The following SCHIP1 variants were observed in gnomAD, a reference collection of about 807,000 sequenced individuals.
SCHIP1 encodes the protein schwannomin interacting protein 1, also known as schwannomin-interacting protein 1.
Under a neutral mutation model 29.7 loss-of-function variants are expected in SCHIP1, and 8 were observed. The ratio of observed to expected loss-of-function variants is 0.27; its 90% CI spans 0.16 to 0.49. The LOEUF is 0.49. SCHIP1 is among the 20% of genes least tolerant of loss of function. The pLI, the probability that SCHIP1 is intolerant of heterozygous loss-of-function variation, is 0.99. For synonymous variants in SCHIP1, 76 were observed against 94.9 expected, an observed-to-expected ratio of 0.80 and a Z score of 1.16; for missense variants, 193 against 294.6, an observed-to-expected ratio of 0.66 and a Z score of 2.52.
At chr3:159,359,264 A>G in the SCHIP1 span, among the ~76,000 whole-genome samples, 2 of 152,142 alleles carry the variant, frequency 1.3e-5, no homozygotes, top group African/African-American at 4.8e-5. Flanking sequence ...AAAGAAAAAT[A>G]CAATTATATG....
At chr3:159,750,602 T>C in the SCHIP1 span, among the ~76,000 whole-genome samples, 1 of 151,850 alleles carries the variant, frequency 6.6e-6, no homozygotes, top group African/African-American at 2.4e-5. Context: ...CTGATGAAAA[T>C]AGAGGAATAA....
the SCHIP1 span, among the ~76,000 whole-genome samples, chr3:159,431,034 A>C: frequency 6.6e-6 from 1 of 152,164 alleles, no homozygotes; most frequent in Non-Finnish European, 1.5e-5. Context: ...CTTCAATACC[A>C]GTTTGAGGTA....
intron 1 of SCHIP1, among the ~76,000 whole-genome samples, chr3:159,851,477 T>C (rs2109103907): frequency 6.6e-6 from 1 of 152,240 alleles, no homozygotes; most frequent in East Asian, 1.9e-4. Context: ...CTCCAAAAGA[T>C]TATTGAGAGG....
chr3:159,464,585 A>G, the SCHIP1 span, among the ~76,000 whole-genome samples: 9 of 152,150 alleles, frequency 5.9e-5, no homozygotes, highest in African/African-American at 1.9e-4. Flanking sequence ...TTCATGGTAA[A>G]GAGTTCATTA....
chr3:159,642,968 T>G, the SCHIP1 span, among the ~76,000 whole-genome samples: 1 of 151,778 alleles, frequency 6.6e-6, no homozygotes, highest in African/African-American at 2.4e-5. Flanking sequence ...CCTGCTTTAG[T>G]GGGAGGAGGG....
Position 159,866,384 on chromosome 3 carries a change from T to C in SCHIP1, c.149+103T>C, listed in dbSNP as rs1326520944. The C allele has an allele frequency of 1.3e-5, 15 of 1,131,980 alleles. No individual in the cohort carries two copies. In the South Asian group the frequency reaches 1.6e-4, roughly 12 times the overall value. 70.1% of individuals were successfully genotyped at this position (1,131,980 alleles called of 1,614,324 possible). A position where few individuals can be genotyped will look rare whatever the true frequency, so the allele number is the denominator to read the frequency against. On this transcript the variant is annotated intron_variant, in intron 2 of 6. Transcript: ENST00000445224. ...CTTTAAATCTTCTGTAGTTTTTTTT[T>C]CCCCCTCGCATAATACTGCCATCTT...
At chr3:159,331,673 C>T in the SCHIP1 span, among the ~76,000 whole-genome samples, 1 of 152,278 alleles carries the variant, frequency 6.6e-6, no homozygotes, top group South Asian at 2.1e-4. Context: ...AAGATCCTTA[C>T]TCTGTTCACT....
the SCHIP1 span, among the ~76,000 whole-genome samples, chr3:159,456,697 G>A: frequency 3.9e-5 from 6 of 152,164 alleles, no homozygotes; most frequent in African/African-American, 1.4e-4. Context: ...CACGGTAACA[G>A]GCTTCCACTT....
the SCHIP1 span, among the ~76,000 whole-genome samples, chr3:159,444,146 G>A: frequency 1.3e-5 from 2 of 152,136 alleles, no homozygotes; most frequent in African/African-American, 4.8e-5. Context: ...GTACATCACT[G>A]AGCAGCACAG....
the SCHIP1 span, among the ~76,000 whole-genome samples, chr3:159,462,684 A>C: frequency 6.6e-6 from 1 of 152,076 alleles, no homozygotes. Flanking sequence ...AAACTCCATG[A>C]TCTGAACTAA....
At chr3:159,528,617 A>G in the SCHIP1 span, among the ~76,000 whole-genome samples, 1 of 151,860 alleles carries the variant, frequency 6.6e-6, no homozygotes, top group Non-Finnish European at 1.5e-5. Flanking sequence ...CTCCCCCTCA[A>G]AGTTTCCTCG....
chr3:159,453,889 C>G, the SCHIP1 span, among the ~76,000 whole-genome samples: 1 of 152,170 alleles, frequency 6.6e-6, no homozygotes, highest in Admixed American at 6.5e-5. Flanking sequence ...AGCACATGCT[C>G]CTACTCTGCA....
At chr3:159,720,372 C>T in the SCHIP1 span, among the ~76,000 whole-genome samples, 4 of 151,436 alleles carry the variant, frequency 2.6e-5, no homozygotes, top group African/African-American at 9.7e-5. Context: ...CACCCTAGAA[C>T]TTAAAGTATA....
chr3:159,315,836 T>A, the SCHIP1 span, among the ~76,000 whole-genome samples: 1 of 151,896 alleles, frequency 6.6e-6, no homozygotes, highest in African/African-American at 2.4e-5. Context: ...TTATGACATG[T>A]TAGACATAAA....
the SCHIP1 span, among the ~76,000 whole-genome samples, chr3:159,786,944 C>G: frequency 4.0e-4 from 61 of 152,110 alleles, no homozygotes; most frequent in African/African-American, 1.4e-3. Flanking sequence ...CAAAGAAGAA[C>G]TCACAGTAAG....
At chr3:159,706,266 A>G in the SCHIP1 span, among the ~76,000 whole-genome samples, 3 of 151,934 alleles carry the variant, frequency 2.0e-5, no homozygotes, top group African/African-American at 7.3e-5. Context: ...CCATTTCTCA[A>G]TTGTCCAGGA....
chr3:159,357,310 A>G, the SCHIP1 span, among the ~76,000 whole-genome samples: 1 of 152,214 alleles, frequency 6.6e-6, no homozygotes, highest in African/African-American at 2.4e-5. Context: ...GACACAGAAG[A>G]GACTAAGGAG....
the SCHIP1 span, among the ~76,000 whole-genome samples, chr3:159,552,877 T>A: frequency 3.9e-5 from 6 of 152,212 alleles, no homozygotes; most frequent in African/African-American, 1.4e-4. Context: ...TACATTTATT[T>A]TGATTTTGTT....
At chr3:159,853,229 G>A (rs915221713) in intron 1 of SCHIP1, 16 of 498,982 alleles carry the variant, frequency 3.2e-5, no homozygotes, top group African/African-American at 3.0e-4. Flanking sequence ...GTGGGACAGA[G>A]TGGGGCAAGA....
Sources: gnomAD v4.1 joint callset for allele counts (sites outside exome capture counted in the v4.1 genomes callset) on GRCh38, gnomAD v4.1.1 for gene constraint, MANE v1.5 for transcripts, NCBI Gene and HGNC (gene_info 2026-07-23, HGNC 2026-07-21) for gene names.